The following TMTC2 variants were observed in gnomAD, a reference collection of about 807,000 sequenced individuals.
The protein encoded by TMTC2 is transmembrane O-mannosyltransferase targeting cadherins 2.
A neutral mutation model predicts 82.4 loss-of-function variants in TMTC2; 43 were observed. The ratio of observed to expected loss-of-function variants is 0.52; its 90% CI spans 0.41 to 0.67. TMTC2 has a LOEUF of 0.67. Among genes scored for constraint, TMTC2 ranks in the 30% least tolerant of loss-of-function variants. The pLI, the probability that TMTC2 is intolerant of heterozygous loss-of-function variation, is 0.00. For synonymous variants in TMTC2, 408 were observed against 381.9 expected (o/e 1.07, Z -0.80); for missense variants, 919 against 1,012.4 (o/e 0.91, Z 1.25).
In TMTC2 at chr12:83,134,181, T is replaced by C. The variant is rs1363759841; in HGVS notation, c.*1792T>C. Reference sequence around the variant, plus strand: ...TTTCACTGAAGGGCCAAAAGTTAAATTATAACTAAATCACTGTGTTTTCAG... The same window carrying C: ...TTTCACTGAAGGGCCAAAAGTTAAACTATAACTAAATCACTGTGTTTTCAG... On this transcript the variant is annotated 3_prime_UTR_variant, in exon 12 of 12. Transcript: ENST00000321196. 6.6e-6 allele frequency: 1 copy of C among 152,538 alleles called. No homozygotes were observed. Among genetic ancestry groups the C allele is most frequent in the Non-Finnish European group, 1.5e-5 (1 of 68,028 alleles). The allele number at this position is 152,538 out of a possible 1,614,324, so 9.4% of individuals were successfully genotyped here. A position where few individuals can be genotyped will look rare whatever the true frequency, so the allele number is the denominator to read the frequency against.
chr12:83,013,573 A>G (rs1449952709), intron 8 of TMTC2, among the ~76,000 whole-genome samples: 1 of 151,976 alleles, frequency 6.6e-6, no homozygotes, highest in African/African-American at 2.4e-5. Flanking sequence ...AGTACTTTTT[A>G]TTGTATTGTT....
chr12:83,011,139 G>A (rs942441307), intron 8 of TMTC2, among the ~76,000 whole-genome samples: 7 of 152,140 alleles, frequency 4.6e-5, no homozygotes, highest in African/African-American at 1.2e-4. Flanking sequence ...CCGGCCTGAC[G>A]ATGTCTAATA....
chr12:83,006,374 C>T (rs1880205325), intron 8 of TMTC2, among the ~76,000 whole-genome samples: 1 of 152,142 alleles, frequency 6.6e-6, no homozygotes, highest in Non-Finnish European at 1.5e-5. Context: ...GCCCTCTTTT[C>T]CCTCCTCTTC....
rs575763608 is a variant in TMTC2, at chr12:82,735,596, T to C, written c.83+47927T>C. Among the ~76,000 whole-genome samples, 819 of 151,298 alleles carry C rather than the reference T, an allele frequency of 5.4e-3. 7 individuals carry two copies. Among genetic ancestry groups the C allele is most frequent in the African/African-American group, 0.016 (666 of 41,422 alleles). On this transcript the variant is annotated intron_variant, in intron 1 of 11. Transcript: ENST00000321196. ...TCCTGACCTTGTGATCCGCCCTCCT[T>C]GGCCTCCCAAAGTGCTGGGATTACA...
chr12:83,103,844 G>A (rs1265355555), intron 11 of TMTC2, among the ~76,000 whole-genome samples: 1 of 152,000 alleles, frequency 6.6e-6, no homozygotes, highest in Non-Finnish European at 1.5e-5. Context: ...CCACCAATAA[G>A]CCTGTAAAAT....
intron 1 of TMTC2, among the ~76,000 whole-genome samples, chr12:82,809,607 C>T (rs1879396691): frequency 6.6e-6 from 1 of 152,110 alleles, no homozygotes; most frequent in Non-Finnish European, 1.5e-5. Context: ...GTTAGGTATT[C>T]TCACAAATAC....
intron 11 of TMTC2, among the ~76,000 whole-genome samples, chr12:83,118,685 T>C (rs374865740): frequency 6.6e-6 from 1 of 152,204 alleles, no homozygotes; most frequent in African/African-American, 2.4e-5. Context: ...ACTGGCTTCA[T>C]AGAATGAATT....
chr12:82,818,176 A>AG (rs1257320087), intron 1 of TMTC2, among the ~76,000 whole-genome samples: 1 of 152,060 alleles, frequency 6.6e-6, no homozygotes, highest in Non-Finnish European at 1.5e-5. Context: ...TTCTTATTGC[A>AG]GTACTTGCTA....
chr12:83,123,879 C>T lies in TMTC2; in HGVS notation c.2332-8331C>T, dbSNP rs185160095. 2.0e-3 allele frequency among the ~76,000 whole-genome samples: 308 copies of T among 152,254 alleles called. 1 individual carries two copies. The highest frequency in any genetic ancestry group is 2.9e-3 in the South Asian group (14 of 4,832). ...ATTCTTGTTGTCTAATATTCTTATA[C>T]CCGTAAGGAAATAATATCCCCTCTC... On this transcript the variant is annotated intron_variant, in intron 11 of 11. Transcript: ENST00000321196.
At chr12:82,926,677 T>C (rs140234665) in intron 3 of TMTC2, among the ~76,000 whole-genome samples, 191 of 152,298 alleles carry the variant, frequency 1.3e-3, no homozygotes, top group African/African-American at 4.3e-3. Flanking sequence ...CTTCATATTT[T>C]CAAAGGACAG....
rs148583184 is a variant in TMTC2, at chr12:82,784,160, A to G, written c.84-72850A>G. Among the ~76,000 whole-genome samples, 57 of 152,200 alleles carry G rather than the reference A, an allele frequency of 3.7e-4. 1 individual carries two copies. The highest frequency in any genetic ancestry group is 3.1e-3 in the East Asian group (16 of 5,194). On this transcript the variant is annotated intron_variant, in intron 1 of 11. Transcript: ENST00000321196. ...AAAAATATACACAAATAATACTTGAATAGTATATTTTGAATATTGTAAGTC... is the reference window on the plus strand; with the variant it reads ...AAAAATATACACAAATAATACTTGAGTAGTATATTTTGAATATTGTAAGTC...
At chr12:82,700,971 C>T (rs914943519) in intron 1 of TMTC2, among the ~76,000 whole-genome samples, 1 of 152,050 alleles carries the variant, frequency 6.6e-6, no homozygotes, top group African/African-American at 2.4e-5. Flanking sequence ...TTTATAAAAC[C>T]ATCAGATCTC....
intron 10 of TMTC2, among the ~76,000 whole-genome samples, chr12:83,061,186 A>T (rs962200079): frequency 6.6e-6 from 1 of 151,820 alleles, no homozygotes; most frequent in Non-Finnish European, 1.5e-5. Flanking sequence ...TAACGAGAAC[A>T]TCCATTTAGC....
At chr12:83,054,364 G>A (rs1260364353) in intron 10 of TMTC2, among the ~76,000 whole-genome samples, 1 of 152,034 alleles carries the variant, frequency 6.6e-6, no homozygotes, top group Non-Finnish European at 1.5e-5. Context: ...ATGTATAACA[G>A]CAATGGAGGT....
chr12:82,896,624 G>C lies in TMTC2; in HGVS notation c.1461G>C (p.Gly487=), dbSNP rs755508385. The C allele has an allele frequency of 3.1e-6, 5 of 1,607,908 alleles. No individual in the cohort carries two copies. Among genetic ancestry groups the C allele is most frequent in the Non-Finnish European group, 4.2e-6 (5 of 1,177,986 alleles). Residue 487 remains glycine (G), a synonymous_variant, in exon 3 of 12, where the codon GGG becomes GGC. Coordinates refer to ENST00000321196, the MANE Select transcript of TMTC2 (RefSeq NM_152588.3). ...ATGAGGAAATGCTTTATAGATCAGG[G>C]ATAAAAGTAAACCCAGCTAAAGGTA... ...WQNEEMLYRS[G]IKVNPAKAWG...
At chr12:82,898,724 G>A (rs7294381) in intron 3 of TMTC2, among the ~76,000 whole-genome samples, 88,619 of 152,040 alleles carry the variant, frequency 0.58, 28,315 homozygotes, top group African/African-American at 0.87. Flanking sequence ...GGGTGTACCC[G>A]ATCTTAGAGC....
intron 2 of TMTC2, among the ~76,000 whole-genome samples, chr12:82,895,243 A>C (rs572002846): frequency 6.6e-6 from 1 of 152,276 alleles, no homozygotes; most frequent in Admixed American, 6.5e-5. Flanking sequence ...AGCCTGGTTT[A>C]TAAATTCTGC....
chr12:83,057,310 C>G lies in TMTC2; in HGVS notation c.2268-4458C>G, dbSNP rs901823399. 2.0e-5 allele frequency among the ~76,000 whole-genome samples: 3 copies of G among 152,004 alleles called. No individual in the cohort carries two copies. In the East Asian group the frequency reaches 5.8e-4, roughly 29 times the overall value. On this transcript the variant is annotated intron_variant, in intron 10 of 11. Transcript: ENST00000321196. ...GGGACTTTTTAAAAAATTATATTGT[C>G]AGCGTAGTTTTTTCTTCTTATTGCT...
chr12:82,719,075 ATATATATATATTTTTTTTTTT>A (rs1874048635), intron 1 of TMTC2, among the ~76,000 whole-genome samples: 2 of 80,216 alleles, frequency 2.5e-5, no homozygotes, highest in African/African-American at 5.7e-5. Flanking sequence ...ATATATATAT[ATATATATATATTTTTTTTTTT>A]TTTTTTTTTT....
Sources: allele counts gnomAD v4.1 joint callset (sites outside exome capture counted in the v4.1 genomes callset), GRCh38; gene constraint gnomAD v4.1.1; transcripts MANE v1.5; gene names NCBI Gene and HGNC (gene_info 2026-07-23, HGNC 2026-07-21).